ZMIZ2: variants seen among roughly 807,000 people sequenced by gnomAD.
The protein encoded by ZMIZ2 is zinc finger MIZ domain-containing protein 2.
In ZMIZ2, 26 loss-of-function variants were observed where a neutral mutation model predicts 93.9. That is an observed-to-expected ratio of 0.28 (90% confidence interval 0.20 to 0.38). ZMIZ2 has a LOEUF of 0.38. ZMIZ2 is among the 10% of genes least tolerant of loss of function. The pLI, the probability that ZMIZ2 is intolerant of heterozygous loss-of-function variation, is 1.00. For missense variants in ZMIZ2, 1,023 were observed against 1,235.0 expected (o/e 0.83, Z 2.57); for synonymous variants, 485 against 516.4 (o/e 0.94, Z 0.82).
intron 1 of ZMIZ2, chr7:44,750,848 A>C (rs939358313): frequency 6.6e-6 from 1 of 152,240 alleles, no homozygotes; most frequent in East Asian, 1.9e-4. Context: ...CTTGGTGGGC[A>C]TGGGCCTTGC....
rs893994977 is a variant in ZMIZ2, at chr7:44,756,438, G to A, written c.64G>A (p.Ala22Thr). The A allele has an allele frequency of 7.4e-6, 12 of 1,613,938 alleles. No homozygotes were observed. Among genetic ancestry groups the A allele is most frequent in the African/African-American group, 4.0e-5 (3 of 74,930 alleles). Residue 22 changes from alanine (A) to threonine (T), a missense_variant, in exon 3 of 19, where the codon GCA becomes ACA. Around this residue, in one of 3 missense-constraint regions of ZMIZ2, gnomAD observed 656 missense variants for 777.1 expected, o/e 0.84. Transcript: ENST00000309315. The stretch of plus-strand genomic sequence containing the variant: ...CTTTCCCTGCAGTGATGGTTCATTC[G>A]CATATGAGTCTGTGCCTTGGCAACA... ...PPAPHGDGSF[A>T]YESVPWQQSA...
intron 7 of ZMIZ2, chr7:44,759,893 C>T (rs1386374874): frequency 3.7e-6 from 2 of 545,276 alleles, no homozygotes; most frequent in South Asian, 2.1e-5. Context: ...CCCTGGGAGC[C>T]TGGGTGCGCC....
intron 18 of ZMIZ2, 116 bp from the exon 19 acceptor site, chr7:44,767,400 G>A (rs541776850): frequency 1.1e-6 from 1 of 901,208 alleles, no homozygotes; most frequent in East Asian, 2.6e-5. Flanking sequence ...GTGAGGAGGG[G>A]CTGCTCAGCA....
Position 44,760,210 on chromosome 7 carries a change from C to T in ZMIZ2, c.1053C>T (p.Ser351=). 1.9e-6 allele frequency: 3 copies of T among 1,612,876 alleles called. 1 individual carries two copies. The South Asian group carries it at 3.3e-5, about 18-fold the overall frequency. Residue 351 remains serine, a synonymous_variant, in exon 8 of 19, where the codon AGC becomes AGT. Transcript: ENST00000309315. ...ASFNGGSVSY[S]QPGLSGPTRS... ...TCAACGGGGGCAGCGTCAGCTACAG[C>T]CAACCTGGCCTGAGTGGGGTAGGGG...
At chr7:44,752,161 C>A (rs984554708) in intron 1 of ZMIZ2, among the ~76,000 whole-genome samples, 29 of 149,636 alleles carry the variant, frequency 1.9e-4, no homozygotes, top group Admixed American at 6.0e-4. Context: ...TGGAGTTTCA[C>A]TCTTGCTGCC....
In ZMIZ2 at chr7:44,762,914, C is replaced by A. The variant is rs1422297570; in HGVS notation, c.1630C>A (p.Pro544Thr). 6.2e-7 allele frequency: 1 copy of A among 1,612,980 alleles called. No individual in the cohort carries two copies. The highest frequency in any genetic ancestry group is 8.5e-7 in the Non-Finnish European group (1 of 1,179,138). The change falls in exon 12 of 19, where the codon CCA becomes ACA. Residue 544 changes from proline to threonine, a missense_variant. Physicochemically the swap from Pro to Thr is conservative, Grantham distance 38. Coordinates refer to ENST00000309315, the MANE Select transcript of ZMIZ2 (RefSeq NM_031449.4). Reference protein sequence around the residue: ...HLFVLQLVHRPSVRSVLQGLL... With the variant: ...HLFVLQLVHRTSVRSVLQGLL... ...CTTCGTGCTGCAGCTAGTGCACCGCCCATCCGTCCGCTCGGTGCTGCAGGG... is the reference window on the plus strand; with the variant it reads ...CTTCGTGCTGCAGCTAGTGCACCGCACATCCGTCCGCTCGGTGCTGCAGGG...
In ZMIZ2 at chr7:44,765,197, C is replaced by A; in HGVS notation, c.1998-138C>A. 1 of 1,506,564 alleles carries A rather than the reference C, an allele frequency of 6.6e-7. No homozygotes were observed. Among genetic ancestry groups the A allele is most frequent in the Non-Finnish European group, 9.0e-7 (1 of 1,114,296 alleles). The allele number at this position is 1,506,564 out of a possible 1,614,324, so 93.3% of individuals were successfully genotyped here. A position where few individuals can be genotyped will look rare whatever the true frequency, so the allele number is the denominator to read the frequency against. On this transcript the variant is annotated intron_variant, in intron 15 of 18. Transcript: ENST00000309315. This position sits in a 1 kb window ranked among gnomAD's most constrained non-coding sequence, Gnocchi z 4.1. ...TTGGTGCTGGGCCCAGCGTCCTGCT[C>A]GATGTGGAAGGTGCTGGGTGGAAGC...
chr7:44,761,755 C>T lies in ZMIZ2; in HGVS notation c.1446C>T (p.Asn482=). 1 of 1,614,156 alleles carries T rather than the reference C, an allele frequency of 6.2e-7. No homozygotes were observed. Among genetic ancestry groups the T allele is most frequent in the Non-Finnish European group, 8.5e-7 (1 of 1,180,040 alleles). ...ACGAGGACCGGCAGATGAACACCAACTGGCCAGCCTCGGTGCAGGTCAGCG... is the reference window on the plus strand; with the variant it reads ...ACGAGGACCGGCAGATGAACACCAATTGGCCAGCCTCGGTGCAGGTCAGCG... ...YHHEDRQMNT[N]WPASVQVSVN... The change falls in exon 11 of 19, where the codon AAC becomes AAT. Residue 482 remains asparagine, a synonymous_variant. Coordinates refer to ENST00000309315, the MANE Select transcript of ZMIZ2 (RefSeq NM_031449.4). This position sits in a 1 kb window ranked among gnomAD's most constrained non-coding sequence, Gnocchi z 5.8.
chr7:44,749,703 C>G (rs751797474), intron 1 of ZMIZ2: 4 of 152,538 alleles, frequency 2.6e-5, no homozygotes, highest in Non-Finnish European at 5.9e-5. Flanking sequence ...TCTCTCCTCC[C>G]ATTCCCTGGA....
intron 14 of ZMIZ2, 108 bp downstream of exon 14, chr7:44,764,594 G>A: frequency 7.9e-7 from 1 of 1,261,548 alleles, no homozygotes; most frequent in Non-Finnish European, 1.1e-6. Context: ...GCTGGGAGGA[G>A]TCACTGCATG....
rs758162098 is a variant in ZMIZ2 at position 44,757,111 on chromosome 7, C to T, written c.330C>T (p.Ser110=). 5 of 1,600,308 alleles carry T rather than the reference C, an allele frequency of 3.1e-6. No individual in the cohort carries two copies. Among genetic ancestry groups the T allele is most frequent in the Non-Finnish European group, 3.4e-6 (4 of 1,176,776 alleles). ...NKGYVQQGVY[S]RGGYPGAPGF... ...GCTACGTGCAGCAAGGCGTGTACAG[C>T]CGCGGGGGCTACCCTGGGGCCCCCG... Residue 110 remains serine, a synonymous_variant, in exon 4 of 19, where the codon AGC becomes AGT. Coordinates refer to ENST00000309315, the MANE Select transcript of ZMIZ2 (RefSeq NM_031449.4).
Position 44,756,466 on chromosome 7 carries a change from G to T in ZMIZ2, c.92G>T (p.Ser31Ile). ...TATGAGTCTGTGCCTTGGCAACAAA[G>T]CGCCACTCAGCCGGCTGGATCGCTG... ...FAYESVPWQQ[S>I]ATQPAGSLSV... Residue 31 changes from serine to isoleucine, a missense_variant, in exon 3 of 19, where the codon AGC (serine) becomes ATC (isoleucine). Physicochemically the swap from Ser to Ile is moderately radical, Grantham distance 142 (BLOSUM62 -2). Around this residue, in one of 3 missense-constraint regions of ZMIZ2, gnomAD observed 656 missense variants for 777.1 expected, o/e 0.84. Transcript: ENST00000309315. The T allele has an allele frequency of 6.2e-7, 1 of 1,614,084 alleles. No homozygotes were observed. The highest frequency in any genetic ancestry group is 8.5e-7 in the Non-Finnish European group (1 of 1,180,026).
rs1791884327 is a variant in ZMIZ2 at position 44,767,980 on chromosome 7, C to T, written c.*357C>T. ...GTCCTTCCACCCCTGCCTGCCCCCACCCAGCCTGCTTCTTGTCCAGCATTG... is the reference window on the plus strand; with the variant it reads ...GTCCTTCCACCCCTGCCTGCCCCCATCCAGCCTGCTTCTTGTCCAGCATTG... On this transcript the variant is annotated 3_prime_UTR_variant, in exon 19 of 19. Transcript: ENST00000309315. 1 of 359,512 alleles carries T rather than the reference C, an allele frequency of 2.8e-6. No homozygotes were observed. Among genetic ancestry groups the T allele is most frequent in the Non-Finnish European group, 5.3e-6 (1 of 188,174 alleles). The allele number at this position is 359,512 out of a possible 1,614,324, so 22.3% of individuals were successfully genotyped here.
Position 44,756,272 on chromosome 7 carries a change from A to C in ZMIZ2, c.23A>C (p.Lys8Thr), listed in dbSNP as rs746049457. ...CCAATGAACTCCATGAACCCCATGA[A>C]ACCTGCCCTGCCCCCTGCGCCACAC... MNSMNPM[K>T]PALPPAPHGD... is the part of the protein sequence containing the mutation. The change falls in exon 2 of 19, where the codon AAA (lysine) becomes ACA (threonine). Residue 8 changes from lysine to threonine, a missense_variant. This residue lies in a region of ZMIZ2 where 656 missense variants were observed against 777.1 expected (regional missense o/e 0.84). Coordinates refer to ENST00000309315, the MANE Select transcript of ZMIZ2 (RefSeq NM_031449.4). 6.2e-6 allele frequency: 10 copies of C among 1,613,940 alleles called. No individual in the cohort carries two copies. The highest frequency in any genetic ancestry group is 8.5e-6 in the Non-Finnish European group (10 of 1,179,968).
Position 44,759,335 on chromosome 7 carries a change from C to G in ZMIZ2, c.868C>G (p.Gln290Glu). The stretch of plus-strand genomic sequence containing the variant: ...AGGCCAGTATGCACCCAGCACCGCC[C>G]AGTTTGCGCCCAGCCCTGGGCAGCC... Reference protein sequence around the residue: ...QGGQYAPSTAQFAPSPGQPPA... With the variant: ...QGGQYAPSTAEFAPSPGQPPA... Residue 290 changes from glutamine (Q) to glutamate (E), a missense_variant, in exon 7 of 19, where the codon CAG becomes GAG. Coordinates refer to ENST00000309315, the MANE Select transcript of ZMIZ2 (RefSeq NM_031449.4). The G allele has an allele frequency of 6.2e-7, 1 of 1,604,268 alleles. No homozygotes were observed. Among genetic ancestry groups the G allele is most frequent in the Non-Finnish European group, 8.5e-7 (1 of 1,175,640 alleles).
Position 44,762,952 on chromosome 7 carries a change from G to A in ZMIZ2, c.1668G>A (p.Lys556=). The change falls in exon 12 of 19, where the codon AAG becomes AAA. Residue 556 remains lysine, a synonymous_variant. Coordinates refer to ENST00000309315, the MANE Select transcript of ZMIZ2 (RefSeq NM_031449.4). ...CGGTGCTGCAGGGCCTCCTCAAAAAGCGCCTCCTGCCTGCTGAGCACTGCA... is the reference window on the plus strand; with the variant it reads ...CGGTGCTGCAGGGCCTCCTCAAAAAACGCCTCCTGCCTGCTGAGCACTGCA... ...VRSVLQGLLK[K]RLLPAEHCIT... 2 of 1,613,606 alleles carry A rather than the reference G, an allele frequency of 1.2e-6. No individual in the cohort carries two copies. The highest frequency in any genetic ancestry group is 1.1e-5 in the South Asian group (1 of 91,074).
Position 44,765,448 on chromosome 7 carries a change from G to A in ZMIZ2, c.2111G>A (p.Arg704His), listed in dbSNP as rs1346882494. 3.1e-6 allele frequency: 5 copies of A among 1,607,430 alleles called. No individual in the cohort carries two copies. The highest frequency in any genetic ancestry group is 4.2e-6 in the Non-Finnish European group (5 of 1,179,906). ...EPDGPALKRC[R>H]TVSPAHVLMP... Reference sequence around the variant, plus strand: ...GATGGGCCAGCACTGAAGCGCTGCCGCACCGTGAGCCCCGCCCACGTGCTC... The same window carrying A: ...GATGGGCCAGCACTGAAGCGCTGCCACACCGTGAGCCCCGCCCACGTGCTC... Residue 704 changes from arginine (R) to histidine (H), a missense_variant, in exon 16 of 19, where the codon CGC becomes CAC. Physicochemically the swap from Arg to His is conservative, Grantham distance 29. This residue lies in a region of ZMIZ2 where 319 missense variants were observed against 358.8 expected (regional missense o/e 0.89). Transcript: ENST00000309315. This position sits in a 1 kb window ranked among gnomAD's most constrained non-coding sequence, Gnocchi z 4.1.
intron 3 of ZMIZ2, 171 bp downstream of exon 3, chr7:44,756,710 A>G (rs1346651732): frequency 1.1e-5 from 9 of 788,864 alleles, no homozygotes; most frequent in Non-Finnish European, 1.8e-5. Context: ...GTCTTTGGAC[A>G]CTGGTTCTCT....
At chr7:44,764,638 G>A (rs1055599811) in intron 14 of ZMIZ2, 152 bp downstream of exon 14, 24 of 878,546 alleles carry the variant, frequency 2.7e-5, no homozygotes, top group East Asian at 7.9e-5. Context: ...CAGAGAGCTC[G>A]TATAGGGTGG....
Sources: allele counts gnomAD v4.1 joint callset (sites outside exome capture counted in the v4.1 genomes callset), GRCh38; gene constraint gnomAD v4.1.1; regional missense constraint gnomAD v4.1.1; non-coding constraint Gnocchi (gnomAD v3.1); transcripts MANE v1.5; gene names NCBI Gene and HGNC (gene_info 2026-07-23, HGNC 2026-07-21).